NPAS3: variants seen among roughly 807,000 people sequenced by gnomAD.
The protein encoded by NPAS3 is neuronal PAS domain protein 3, also known as neuronal PAS domain-containing protein 3.
In NPAS3, 14 loss-of-function variants were observed where a neutral mutation model predicts 73.1. The ratio of observed to expected loss-of-function variants is 0.19; its 90% CI spans 0.13 to 0.30. The LOEUF is 0.30. NPAS3 is among the 10% of genes least tolerant of loss of function. The probability of loss-of-function intolerance (pLI) is 1.00; values close to 1 mark genes in which losing one functional copy is unlikely to be tolerated. For missense variants in NPAS3, 1,096 were observed against 1,250.0 expected, an observed-to-expected ratio of 0.88 and a Z score of 1.86; for synonymous variants, 620 against 541.5, an observed-to-expected ratio of 1.14 and a Z score of -2.01.
intron 1 of NPAS3, among the ~76,000 whole-genome samples, chr14:33,039,821 G>A (rs531355142): frequency 4.7e-4 from 71 of 152,194 alleles, no homozygotes; most frequent in Admixed American, 3.3e-4. Context: ...CAGGGGCCTG[G>A]GGTCTGGGAA....
At chr14:32,939,316 G>C (rs1283139449), upstream of NPAS3, 1 of 689,130 alleles carries the variant, frequency 1.5e-6, no homozygotes, top group Non-Finnish European at 2.6e-6. Flanking sequence ...ATAGCAGGAA[G>C]ATGGCGCCCA....
intron 5 of NPAS3, among the ~76,000 whole-genome samples, chr14:33,609,942 T>C (rs1393158894): frequency 6.6e-6 from 1 of 152,018 alleles, no homozygotes; most frequent in Non-Finnish European, 1.5e-5. Context: ...TATTTAAGTC[T>C]TTATCTTTTT....
At chr14:33,044,900 G>A (rs747864875) in intron 1 of NPAS3, among the ~76,000 whole-genome samples, 6 of 152,148 alleles carry the variant, frequency 3.9e-5, no homozygotes, top group Admixed American at 6.5e-5. Flanking sequence ...ATCAGCCTCA[G>A]GTGAGTGGCC....
At chr14:33,311,676 A>G (rs1202392954) in intron 3 of NPAS3, among the ~76,000 whole-genome samples, 1 of 152,152 alleles carries the variant, frequency 6.6e-6, no homozygotes, top group African/African-American at 2.4e-5. Flanking sequence ...AGTATTTATC[A>G]TAGAGCTGTA....
intron 5 of NPAS3, among the ~76,000 whole-genome samples, chr14:33,572,786 A>G (rs531502090): frequency 5.9e-5 from 9 of 152,242 alleles, no homozygotes; most frequent in African/African-American, 1.4e-4. Context: ...GCACTTTGGG[A>G]GGCCGAGGTG....
chr14:33,397,069 G>A (rs1472038535), intron 4 of NPAS3, among the ~76,000 whole-genome samples: 1 of 152,038 alleles, frequency 6.6e-6, no homozygotes, highest in Non-Finnish European at 1.5e-5. Context: ...ATGGGGAATG[G>A]TGAGTTTGGT....
At chr14:32,985,331 G>T (rs555067428) in intron 1 of NPAS3, among the ~76,000 whole-genome samples, 1 of 152,102 alleles carries the variant, frequency 6.6e-6, no homozygotes, top group Non-Finnish European at 1.5e-5. Flanking sequence ...AGAGGCTATG[G>T]AACATTTTTG....
At chr14:33,264,002 G>A (rs1156367958) in intron 3 of NPAS3, among the ~76,000 whole-genome samples, 2 of 152,248 alleles carry the variant, frequency 1.3e-5, no homozygotes, top group East Asian at 1.9e-4. Context: ...ATTCACAATA[G>A]CAAAGACTTG....
At chr14:33,081,492 G>C (rs1465692348) in intron 2 of NPAS3, among the ~76,000 whole-genome samples, 3 of 152,184 alleles carry the variant, frequency 2.0e-5, no homozygotes, top group Admixed American at 1.3e-4. Context: ...TGTAGGAGTG[G>C]TTCCCACATG....
In NPAS3 at chr14:33,543,989, A is replaced by ATC. The variant is rs1277697298; in HGVS notation, c.469-16131_469-16130insCT. On this transcript the variant is annotated intron_variant, in intron 4 of 11. Coordinates refer to ENST00000356141, the Ensembl canonical transcript of NPAS3. ...TATATATATATATATATATATATATATATATATATATATCTATATCAGGAA... is the reference window on the plus strand; with the variant it reads ...TATATATATATATATATATATATATATCTATATATATATATCTATATCAGGAA... 7.5e-3 allele frequency among the ~76,000 whole-genome samples: 279 copies of ATC among 37,298 alleles called. 2 individuals carry two copies. The highest frequency in any genetic ancestry group is 9.6e-3 in the Non-Finnish European group (215 of 22,452). 24.5% of individuals were successfully genotyped at this position (37,298 alleles called of 152,430 possible).
chr14:33,433,162 A>G (rs996812778), intron 4 of NPAS3, among the ~76,000 whole-genome samples: 1 of 152,206 alleles, frequency 6.6e-6, no homozygotes, highest in African/African-American at 2.4e-5. Context: ...GGCAGGAACA[A>G]ATAAACACAA....
At chr14:32,974,094 C>T (rs2037552467) in intron 1 of NPAS3, among the ~76,000 whole-genome samples, 1 of 152,218 alleles carries the variant, frequency 6.6e-6, no homozygotes, top group Non-Finnish European at 1.5e-5. Flanking sequence ...ACATGAATGG[C>T]TCTACAGAGT....
chr14:33,083,711 A>G (rs921721990), intron 2 of NPAS3, among the ~76,000 whole-genome samples: 7 of 152,118 alleles, frequency 4.6e-5, no homozygotes, highest in Non-Finnish European at 7.4e-5. Context: ...CAAATATTTG[A>G]AGGGTATCCA....
At chr14:33,086,040 A>T (rs2042014297) in intron 2 of NPAS3, among the ~76,000 whole-genome samples, 1 of 152,178 alleles carries the variant, frequency 6.6e-6, no homozygotes, top group Non-Finnish European at 1.5e-5. Context: ...CACTCCCAGT[A>T]CAAGGTTATT....
chr14:33,776,876 G>A (rs575056020), intron 8 of NPAS3, among the ~76,000 whole-genome samples: 3 of 152,250 alleles, frequency 2.0e-5, no homozygotes, highest in South Asian at 4.2e-4. Context: ...TCAAATGCCG[G>A]GCTAGTCGCA....
At chr14:33,414,457 A>G (rs1259073391) in intron 4 of NPAS3, among the ~76,000 whole-genome samples, 1 of 152,170 alleles carries the variant, frequency 6.6e-6, no homozygotes, top group African/African-American at 2.4e-5. Context: ...AAAGAAAAAA[A>G]GATAAAATTC....
chr14:33,746,990 C>T (rs1238138924), intron 7 of NPAS3, among the ~76,000 whole-genome samples: 2 of 150,524 alleles, frequency 1.3e-5, no homozygotes, highest in African/African-American at 4.9e-5. Context: ...TGAGAATATG[C>T]AGTGTTTGGT....
intron 3 of NPAS3, among the ~76,000 whole-genome samples, chr14:33,290,098 A>C (rs1225803185): frequency 6.6e-6 from 1 of 152,178 alleles, no homozygotes. Context: ...ATACATGTTT[A>C]GTATTTTTAT....
chr14:33,259,535 A>G (rs528399395), intron 3 of NPAS3, among the ~76,000 whole-genome samples: 2 of 152,356 alleles, frequency 1.3e-5, no homozygotes, highest in African/African-American at 2.4e-5. Context: ...ATAAATTATA[A>G]TCGCACTCAA....
Sources: gnomAD v4.1 joint callset for allele counts (sites outside exome capture counted in the v4.1 genomes callset) on GRCh38, gnomAD v4.1.1 for gene constraint, MANE v1.5 for transcripts, NCBI Gene and HGNC (gene_info 2026-07-23, HGNC 2026-07-21) for gene names.